The following PTPN14 variants were observed in gnomAD, a reference collection of about 807,000 sequenced individuals.
PTPN14 encodes tyrosine-protein phosphatase non-receptor type 14.
A neutral mutation model predicts 126.8 loss-of-function variants in PTPN14; 53 were observed. That is an observed-to-expected ratio of 0.42 (90% CI 0.34 to 0.53). The LOEUF is 0.53. PTPN14 is among the 20% of genes least tolerant of loss of function. The pLI is 0.08. For synonymous variants in PTPN14, 630 were observed against 599.3 expected (o/e 1.05, Z -0.75); for missense variants, 1,257 against 1,552.9 (o/e 0.81, Z 3.20).
At chr1:214,485,973 G>A (rs1239823295) in intron 1 of PTPN14, among the ~76,000 whole-genome samples, 3 of 152,062 alleles carry the variant, frequency 2.0e-5, no homozygotes, top group African/African-American at 4.8e-5. Flanking sequence ...TGATCCGCCC[G>A]CCTTGGCCTC....
At position 214,350,273 on chromosome 1, in the gene PTPN14, T is replaced by C. The variant is rs540626038; in HGVS notation, c.*7649A>G. On this transcript the variant is annotated 3_prime_UTR_variant, in exon 19 of 19. Coordinates refer to ENST00000366956, the MANE Select transcript of PTPN14 (RefSeq NM_005401.5). ...TAAAGAGGCTATAATGACGAAAGCA[T>C]TTTCCCTGCAGGGAGAAGCTAGAAA... 1.3e-5 allele frequency: 2 copies of C among 152,198 alleles called. No individual in the cohort carries two copies. Among genetic ancestry groups the C allele is most frequent in the African/African-American group, 2.4e-5 (1 of 41,430 alleles). 9.4% of individuals were successfully genotyped at this position (152,198 alleles called of 1,614,324 possible).
rs779737006 is a variant in PTPN14 at position 214,394,993 on chromosome 1, A to G, written c.759-7T>C. 1.9e-6 allele frequency: 3 copies of G among 1,603,142 alleles called. No individual in the cohort carries two copies. In the East Asian group the frequency reaches 6.7e-5, roughly 36 times the overall value. On this transcript the variant is annotated splice_region_variant and splice_polypyrimidine_tract_variant and intron_variant, in intron 8 of 18. Transcript: ENST00000366956. ...ATTCCCCATGTCATTCCACCTGGTTAGAAGAAATGTCACTGTGTTTACTCA... is the reference window on the plus strand; with the variant it reads ...ATTCCCCATGTCATTCCACCTGGTTGGAAGAAATGTCACTGTGTTTACTCA...
intron 1 of PTPN14, among the ~76,000 whole-genome samples, chr1:214,519,548 T>C (rs565574870): frequency 6.6e-6 from 1 of 152,322 alleles, no homozygotes; most frequent in African/African-American, 2.4e-5. Context: ...TAAAGCACTC[T>C]TATTTGTATA....
At chr1:214,450,476 TAAAAA>T (rs748805193) in intron 3 of PTPN14, among the ~76,000 whole-genome samples, 113 of 135,474 alleles carry the variant, frequency 8.3e-4, no homozygotes, top group African/African-American at 3.0e-3. Context: ...CGTCTCAAAT[TAAAAA>T]AAAAAAAGAA....
At chr1:214,401,866 GCT>G in intron 6 of PTPN14, 94 bp from the exon 7 acceptor site, 1 of 1,037,004 alleles carries the variant, frequency 9.6e-7, no homozygotes, top group Non-Finnish European at 1.5e-6. Flanking sequence ...CTGTGGTTTA[GCT>G]CTAGTTTCTG....
intron 3 of PTPN14, among the ~76,000 whole-genome samples, chr1:214,445,293 A>G (rs1214395217): frequency 6.6e-6 from 1 of 152,204 alleles, no homozygotes; most frequent in African/African-American, 2.4e-5. Flanking sequence ...TGTGTCTGCC[A>G]GATGTACGAC....
At chr1:214,432,447 T>G (rs1451669382) in intron 3 of PTPN14, among the ~76,000 whole-genome samples, 1 of 152,246 alleles carries the variant, frequency 6.6e-6, no homozygotes, top group African/African-American at 2.4e-5. Context: ...ATATGCATAT[T>G]CAGCAGAAAT....
chr1:214,372,976 A>G, intron 15 of PTPN14, 137 bp from the exon 16 acceptor site: 1 of 1,224,500 alleles, frequency 8.2e-7, no homozygotes, highest in East Asian at 2.5e-5. Context: ...ATGAACAAAA[A>G]CCCTGAGACT....
At position 214,520,328 on chromosome 1, in the gene PTPN14, A is replaced by G. The variant is rs531075684; in HGVS notation, c.-155+30855T>C. On this transcript the variant is annotated intron_variant, in intron 1 of 18. Transcript: ENST00000366956. ...TAAATATATAGTAACAATAAAAATG[A>G]CGAAACTGAGAAGGTTTTAGAATGC... Among the ~76,000 whole-genome samples the G allele has an allele frequency of 5.3e-5, 8 of 152,214 alleles. No homozygotes were observed. The East Asian group carries it at 1.5e-3, about 29-fold the overall frequency.
chr1:214,549,423 A>G (rs2102492705), intron 1 of PTPN14, among the ~76,000 whole-genome samples: 1 of 152,356 alleles, frequency 6.6e-6, no homozygotes, highest in South Asian at 2.1e-4. Context: ...ATGACTTAAA[A>G]GCAGAGAAAA....
chr1:214,506,086 G>C (rs1347148654), intron 1 of PTPN14, among the ~76,000 whole-genome samples: 1 of 152,162 alleles, frequency 6.6e-6, no homozygotes, highest in East Asian at 1.9e-4. Flanking sequence ...GGAAGCCAAG[G>C]ACAATTCCTT....
intron 8 of PTPN14, among the ~76,000 whole-genome samples, chr1:214,396,342 G>A (rs1410550813): frequency 1.3e-5 from 2 of 152,060 alleles, no homozygotes; most frequent in African/African-American, 4.8e-5. Context: ...CCTTATACCA[G>A]TACTAAATGT....
In PTPN14 at chr1:214,392,845, G is replaced by T. The variant is rs1436120097; in HGVS notation, c.929+850C>A. 7.9e-5 allele frequency among the ~76,000 whole-genome samples: 12 copies of T among 152,172 alleles called. No individual in the cohort carries two copies. The South Asian group carries it at 2.5e-3, about 32-fold the overall frequency. Reference sequence around the variant, plus strand: ...CATGACCTGGCGCTCCAGCTATAAAGCAGCCGCGTTCTTCAGCAGGAACTG... The same window carrying T: ...CATGACCTGGCGCTCCAGCTATAAATCAGCCGCGTTCTTCAGCAGGAACTG... On this transcript the variant is annotated intron_variant, in intron 10 of 18. Transcript: ENST00000366956.
chr1:214,493,083 C>T (rs1431071977), intron 1 of PTPN14, among the ~76,000 whole-genome samples: 1 of 152,012 alleles, frequency 6.6e-6, no homozygotes, highest in Non-Finnish European at 1.5e-5. Context: ...TTTCTAATTC[C>T]TAAGTGGGAA....
At chr1:214,450,976 C>T (rs1454152819) in intron 3 of PTPN14, among the ~76,000 whole-genome samples, 3 of 152,302 alleles carry the variant, frequency 2.0e-5, no homozygotes, top group African/African-American at 4.8e-5. Context: ...TTCTTGTCTC[C>T]TCTTATTTAG....
At chr1:214,463,083 C>T (rs1000022112) in intron 2 of PTPN14, among the ~76,000 whole-genome samples, 8 of 152,158 alleles carry the variant, frequency 5.3e-5, no homozygotes, top group Admixed American at 2.0e-4. Flanking sequence ...AAGCTGAACC[C>T]AAGACCAAGA....
chr1:214,462,567 G>A (rs1237711480), intron 2 of PTPN14, among the ~76,000 whole-genome samples: 1 of 152,166 alleles, frequency 6.6e-6, no homozygotes, highest in Admixed American at 6.5e-5. Context: ...TGAAGGCTAT[G>A]TTCATCTTCC....
intron 13 of PTPN14, among the ~76,000 whole-genome samples, chr1:214,379,285 T>C (rs563800569): frequency 6.6e-6 from 1 of 152,232 alleles, no homozygotes; most frequent in Non-Finnish European, 1.5e-5. Context: ...TTTTTCCTTA[T>C]TCTATGATGT....
At chr1:214,448,397 A>ATTTTT (rs34637675) in intron 3 of PTPN14, among the ~76,000 whole-genome samples, 8 of 133,518 alleles carry the variant, frequency 6.0e-5, no homozygotes, top group African/African-American at 1.6e-4. Flanking sequence ...AGCCGGGCTA[A>ATTTTT]TTTTTTTTTT....
Sources: gnomAD v4.1 joint callset for allele counts (sites outside exome capture counted in the v4.1 genomes callset) on GRCh38, gnomAD v4.1.1 for gene constraint, MANE v1.5 for transcripts, NCBI Gene and HGNC (gene_info 2026-07-23, HGNC 2026-07-21) for gene names.